Variants in VPS54 observed in about 807,000 individuals in gnomAD.
VPS54 encodes the protein VPS54 subunit of GARP complex.
VPS54 carries 45 observed loss-of-function variants against 121.5 expected under a neutral mutation model. The observed-to-expected ratio is 0.37, with a 90% CI of 0.29 to 0.47. The LOEUF is 0.47. Ranked by LOEUF, VPS54 falls within the 20% of genes least tolerant of loss-of-function variation. The pLI is 0.99. For synonymous variants in VPS54, 371 were observed against 385.8 expected, an observed-to-expected ratio of 0.96 and a Z score of 0.45; for missense variants, 1,090 against 1,131.4, an observed-to-expected ratio of 0.96 and a Z score of 0.52.
chr2:63,938,639 AT>A, intron 11 of VPS54, among the ~76,000 whole-genome samples: 1 of 152,100 alleles, frequency 6.6e-6, no homozygotes, highest in Non-Finnish European at 1.5e-5. Context: ...TGATTTTTGT[AT>A]TATTAGTAGA....
chr2:63,914,528 C>T (rs1673293710), intron 16 of VPS54, among the ~76,000 whole-genome samples: 1 of 152,134 alleles, frequency 6.6e-6, no homozygotes, highest in South Asian at 2.1e-4. Flanking sequence ...ATTGCAGGAT[C>T]AGCTTGCACA....
chr2:63,938,005 G>T (rs189623079), intron 11 of VPS54, among the ~76,000 whole-genome samples: 9 of 151,446 alleles, frequency 5.9e-5, no homozygotes, highest in Admixed American at 5.9e-4. Flanking sequence ...AAAGTAGAAT[G>T]GTGGTTGCCA....
intron 18 of VPS54, 68 bp from the exon 19 acceptor site, chr2:63,912,729 T>C: frequency 1.3e-6 from 2 of 1,507,634 alleles, no homozygotes; most frequent in Non-Finnish European, 1.8e-6. Flanking sequence ...TGATTTTAAT[T>C]ACAAATCAAA....
chr2:63,921,474 T>C (rs578179095), intron 12 of VPS54, 139 bp from the exon 13 acceptor site: 65 of 793,108 alleles, frequency 8.2e-5, no homozygotes, highest in African/African-American at 8.0e-4. Context: ...AAATATCTTA[T>C]AGTTTTTATA....
chr2:63,937,527 C>A lies in VPS54; in HGVS notation c.1399-3514G>T, dbSNP rs560770947. Among the ~76,000 whole-genome samples the A allele has an allele frequency of 3.3e-5, 5 of 152,070 alleles. No homozygotes were observed. The South Asian group carries it at 8.3e-4, about 25-fold the overall frequency. ...TGGCAAGGATGCAGAAAAACTGAAA[C>A]CCTGCACTATTGGTGGAAATGTAAA... On this transcript the variant is annotated intron_variant, in intron 11 of 22. Coordinates refer to ENST00000272322, the MANE Select transcript of VPS54 (RefSeq NM_016516.3).
At chr2:63,942,898 C>G (rs1015552562) in intron 10 of VPS54, among the ~76,000 whole-genome samples, 5 of 152,166 alleles carry the variant, frequency 3.3e-5, no homozygotes, top group Non-Finnish European at 7.3e-5. Context: ...ATCTGCTTTT[C>G]TAACTACAAC....
chr2:63,961,495 T>C (rs1675770690), intron 7 of VPS54, among the ~76,000 whole-genome samples: 1 of 149,176 alleles, frequency 6.7e-6, no homozygotes. Context: ...GAACGAAATT[T>C]TGATGGCTTG....
intron 1 of VPS54, among the ~76,000 whole-genome samples, chr2:64,004,060 C>T (rs1340864931): frequency 2.0e-5 from 3 of 152,016 alleles, no homozygotes; most frequent in Non-Finnish European, 2.9e-5. Context: ...GGACAAAGGA[C>T]CAAGTTAAAA....
chr2:63,987,919 G>A (rs985564436), intron 1 of VPS54, among the ~76,000 whole-genome samples: 1 of 151,998 alleles, frequency 6.6e-6, no homozygotes, highest in Non-Finnish European at 1.5e-5. Context: ...ATCATTTTTT[G>A]ATGAATTCTT....
chr2:63,949,657 T>C lies in VPS54; in HGVS notation c.1011-494A>G, dbSNP rs539768158. On this transcript the variant is annotated intron_variant, in intron 7 of 22. Coordinates refer to ENST00000272322, the MANE Select transcript of VPS54 (RefSeq NM_016516.3). ...TCATAAAAGTTATCTTCACATTGAG[T>C]AGGCTGAGGAGGAGGAGGGAGAGGA... is the stretch of plus-strand genomic sequence containing the variant. Among the ~76,000 whole-genome samples the C allele has an allele frequency of 3.7e-4, 51 of 138,988 alleles. 2 individuals are homozygous for C. In the East Asian group the frequency reaches 8.6e-3, roughly 23 times the overall value. 91.2% of individuals were successfully genotyped at this position (138,988 alleles called of 152,430 possible).
chr2:63,944,307 G>T (rs190958709), intron 10 of VPS54, among the ~76,000 whole-genome samples: 2 of 151,922 alleles, frequency 1.3e-5, no homozygotes, highest in East Asian at 3.9e-4. Flanking sequence ...AAGGAGTAAA[G>T]GTACCTACTC....
At chr2:63,898,255 G>A (rs1447512207) in intron 21 of VPS54, among the ~76,000 whole-genome samples, 1 of 152,126 alleles carries the variant, frequency 6.6e-6, no homozygotes, top group African/African-American at 2.4e-5. Flanking sequence ...GGTAAGTCCT[G>A]CTCTAGAATT....
At chr2:63,984,080 T>C (rs890197734) in intron 1 of VPS54, 61 bp from the exon 2 acceptor site, 45 of 1,354,746 alleles carry the variant, frequency 3.3e-5, no homozygotes, top group Non-Finnish European at 4.1e-5. Context: ...GTATTATACA[T>C]GTCACAAATT....
chr2:63,976,016 C>T (rs761302442), intron 3 of VPS54, among the ~76,000 whole-genome samples: 2 of 152,162 alleles, frequency 1.3e-5, no homozygotes, highest in Non-Finnish European at 2.9e-5. Context: ...AGGCGTGAGC[C>T]GACACGCCCG....
chr2:63,921,265 A>C lies in VPS54; in HGVS notation c.1810T>G (p.Tyr604Asp). Residue 604 changes from tyrosine to aspartate, a missense_variant, in exon 13 of 23, where the codon TAT (tyrosine) becomes GAT (aspartate). Coordinates refer to ENST00000272322, the MANE Select transcript of VPS54 (RefSeq NM_016516.3). ...KLANNIQELL[Y>D]SASDICHDRA... ...TCATGGCATATATCTGAGGCACTAT[A>C]TAATAATTCCTGGATATTATTTGCC... The C allele has an allele frequency of 6.2e-7, 1 of 1,613,334 alleles. No individual in the cohort carries two copies. The highest frequency in any genetic ancestry group is 8.5e-7 in the Non-Finnish European group (1 of 1,179,578).
chr2:63,952,649 C>G (rs72808255), intron 7 of VPS54, among the ~76,000 whole-genome samples: 2,529 of 152,222 alleles, frequency 0.017, 58 homozygotes, highest in Admixed American at 0.07. Context: ...AGTGAAATAA[C>G]ATGTAAGTTT....
At chr2:64,000,858 C>A (rs936532222) in intron 1 of VPS54, among the ~76,000 whole-genome samples, 3 of 152,166 alleles carry the variant, frequency 2.0e-5, no homozygotes, top group Non-Finnish European at 2.9e-5. Flanking sequence ...TCACCCAAGG[C>A]CCACCGTAAC....
chr2:63,944,207 A>G (rs908011018), intron 10 of VPS54, among the ~76,000 whole-genome samples: 1 of 152,068 alleles, frequency 6.6e-6, no homozygotes, highest in Non-Finnish European at 1.5e-5. Context: ...TCACCTCTCC[A>G]TATCTATGTT....
intron 20 of VPS54, among the ~76,000 whole-genome samples, chr2:63,905,156 C>T (rs1220524550): frequency 6.6e-6 from 1 of 151,852 alleles, no homozygotes; most frequent in Non-Finnish European, 1.5e-5. Flanking sequence ...TAGAAAACAG[C>T]AAATTAAATC....
Sources: allele counts gnomAD v4.1 joint callset (sites outside exome capture counted in the v4.1 genomes callset), GRCh38; gene constraint gnomAD v4.1.1; transcripts MANE v1.5; gene names NCBI Gene and HGNC (gene_info 2026-07-23, HGNC 2026-07-21).